SLC25A48: variants seen among roughly 807,000 people sequenced by gnomAD.
SLC25A48 encodes the protein CTC-321K16.1.
SLC25A48 carries 29 observed loss-of-function variants against 32.2 expected under a neutral mutation model. The ratio of observed to expected loss-of-function variants is 0.90; its 90% confidence interval spans 0.67 to 1.23. The LOEUF (loss-of-function observed/expected upper bound fraction) is 1.23. SLC25A48 is among the 50% of genes most tolerant of loss of function. SLC25A48 has a pLI of 0.00. For missense variants in SLC25A48, 399 were observed against 422.7 expected (o/e 0.94, Z 0.49); for synonymous variants, 164 against 172.3 (o/e 0.95, Z 0.38).
At chr5:135,763,541 GGAGGAGGGGAAGAAAGAGGGAATCCCTC>G (rs1443782422) in intron 3 of SLC25A48, among the ~76,000 whole-genome samples, 55 of 152,054 alleles carry the variant, frequency 3.6e-4, no homozygotes, top group African/African-American at 3.4e-4. Flanking sequence ...CTATGGAGGA[GGAGGAGGGGAAGAAAGAGGGAATCCCTC>G]GAGGAGGGGA....
chr5:135,685,939 T>C (rs1396749573), intron 3 of SLC25A48, among the ~76,000 whole-genome samples: 4 of 152,164 alleles, frequency 2.6e-5, no homozygotes, highest in African/African-American at 9.7e-5. Flanking sequence ...AGACTTGGTG[T>C]TCCAGGCACC....
chr5:135,799,026 T>C (rs1290911161), intron 3 of SLC25A48, among the ~76,000 whole-genome samples: 1 of 151,792 alleles, frequency 6.6e-6, no homozygotes, highest in Non-Finnish European at 1.5e-5. Flanking sequence ...ATATCGTTTT[T>C]AATATCCAAG....
chr5:135,791,170 A>G (rs1757020966), intron 3 of SLC25A48, among the ~76,000 whole-genome samples: 1 of 151,364 alleles, frequency 6.6e-6, no homozygotes, highest in Admixed American at 6.6e-5. Context: ...TTCTAATATC[A>G]CACTGAGGGT....
At chr5:135,865,935 A>G (rs1171594497) in intron 4 of SLC25A48, among the ~76,000 whole-genome samples, 2 of 152,218 alleles carry the variant, frequency 1.3e-5, no homozygotes, top group Non-Finnish European at 1.5e-5. Flanking sequence ...CTGTGATAGT[A>G]CCCACACATA....
chr5:135,648,345 C>T (rs1414730949), intron 3 of SLC25A48, among the ~76,000 whole-genome samples: 7 of 152,318 alleles, frequency 4.6e-5, no homozygotes, highest in Middle Eastern at 3.4e-3. Context: ...GCCTGCCTGA[C>T]GATGGAGCCT....
intron 1 of SLC25A48, among the ~76,000 whole-genome samples, chr5:135,581,628 T>G (rs1401031219): frequency 1.3e-5 from 2 of 152,212 alleles, no homozygotes; most frequent in Non-Finnish European, 2.9e-5. Flanking sequence ...GAAAAAGTAG[T>G]TGGCTCTAGA....
At chr5:135,714,484 A>G (rs1456710641) in intron 3 of SLC25A48, among the ~76,000 whole-genome samples, 1 of 152,122 alleles carries the variant, frequency 6.6e-6, no homozygotes, top group Non-Finnish European at 1.5e-5. Flanking sequence ...TCCACCCACC[A>G]TGTCGGGCTT....
intron 2 of SLC25A48, among the ~76,000 whole-genome samples, chr5:135,846,258 G>C (rs921590838): frequency 6.6e-6 from 1 of 152,158 alleles, no homozygotes; most frequent in African/African-American, 2.4e-5. Context: ...CACAAAACTG[G>C]TTCCTGGCGC....
intron 7 of SLC25A48, among the ~76,000 whole-genome samples, chr5:135,884,138 T>G (rs375889031): frequency 4.7e-4 from 72 of 152,344 alleles, no homozygotes; most frequent in African/African-American, 1.7e-3. Flanking sequence ...TGTTCTTTTT[T>G]CTTTCTCTTG....
chr5:135,687,495 C>T (rs1302932010), intron 3 of SLC25A48, among the ~76,000 whole-genome samples: 1 of 152,152 alleles, frequency 6.6e-6, no homozygotes, highest in Admixed American at 6.5e-5. Flanking sequence ...TTTTCTAACA[C>T]TATTGTTATG....
intron 3 of SLC25A48, among the ~76,000 whole-genome samples, chr5:135,778,903 C>T (rs1306892941): frequency 1.4e-5 from 2 of 143,398 alleles, no homozygotes; most frequent in Non-Finnish European, 3.0e-5. Flanking sequence ...GTATTACTCC[C>T]AATATTGCAG....
intron 3 of SLC25A48, among the ~76,000 whole-genome samples, chr5:135,780,280 G>T (rs1756688786): frequency 9.0e-6 from 1 of 111,188 alleles, no homozygotes; most frequent in African/African-American, 2.7e-5. Flanking sequence ...TAGAGACGGG[G>T]TTTCACCGTG....
At chr5:135,694,728 G>C (rs1250547920) in intron 3 of SLC25A48, among the ~76,000 whole-genome samples, 2 of 151,846 alleles carry the variant, frequency 1.3e-5, no homozygotes, top group African/African-American at 2.4e-5. Flanking sequence ...CTGGGACTAC[G>C]GGCACATGCC....
chr5:135,877,826 G>A (rs919692905), intron 6 of SLC25A48, among the ~76,000 whole-genome samples: 1 of 152,136 alleles, frequency 6.6e-6, no homozygotes, highest in Non-Finnish European at 1.5e-5. Context: ...CCTGGGGGTG[G>A]CCATGGGGAC....
chr5:135,622,431 A>G (rs1438838914), intron 1 of SLC25A48, among the ~76,000 whole-genome samples: 1 of 152,266 alleles, frequency 6.6e-6, no homozygotes, highest in African/African-American at 2.4e-5. Context: ...AATGTCCAAC[A>G]ATATGGTAAT....
intron 7 of SLC25A48, among the ~76,000 whole-genome samples, chr5:135,880,920 G>A (rs185429517): frequency 3.2e-4 from 49 of 152,082 alleles, no homozygotes; most frequent in African/African-American, 1.0e-3. Context: ...GGTGAGTCGC[G>A]CCTTCTGCAG....
rs543278887 is a variant in SLC25A48 at position 135,788,912 on chromosome 5, T to C, written c.-520-23611T>C. 2.8e-3 allele frequency among the ~76,000 whole-genome samples: 420 copies of C among 149,486 alleles called. 2 individuals carry two copies. The highest frequency in any genetic ancestry group is 9.7e-3 in the African/African-American group (395 of 40,534). ...GGGGGGTGTACACCCCCACGCCATATGGTGCGTAATATCCGGGGGGAAGAG... is the reference window on the plus strand; with the variant it reads ...GGGGGGTGTACACCCCCACGCCATACGGTGCGTAATATCCGGGGGGAAGAG... On this transcript the variant is annotated intron_variant, in intron 3 of 10. Transcript: ENST00000646290.
intron 3 of SLC25A48, among the ~76,000 whole-genome samples, chr5:135,639,764 A>G (rs1752790639): frequency 6.6e-6 from 1 of 152,242 alleles, no homozygotes; most frequent in South Asian, 2.1e-4. Flanking sequence ...TCTAACAAAG[A>G]ATAAAATCAA....
At chr5:135,840,382 T>A (rs1193126764) in intron 1 of SLC25A48, among the ~76,000 whole-genome samples, 4 of 152,186 alleles carry the variant, frequency 2.6e-5, no homozygotes, top group Non-Finnish European at 4.4e-5. Flanking sequence ...AGTTTTCAGG[T>A]TTTTTCTTTA....
Sources: gnomAD v4.1 joint callset for allele counts (sites outside exome capture counted in the v4.1 genomes callset) on GRCh38, gnomAD v4.1.1 for gene constraint, MANE v1.5 for transcripts, NCBI Gene and HGNC (gene_info 2026-07-23, HGNC 2026-07-21) for gene names.